Variants in ASIC2 observed in about 807,000 individuals in gnomAD.
ASIC2 encodes acid-sensing ion channel 2.
Under a neutral mutation model 57.3 loss-of-function variants are expected in ASIC2, and 25 were observed. That is an observed-to-expected ratio of 0.44 (90% CI 0.32 to 0.61). The LOEUF (loss-of-function observed/expected upper bound fraction) is 0.61. ASIC2 is among the 20% of genes least tolerant of loss of function. ASIC2 has a pLI of 0.06. For missense variants in ASIC2, 641 were observed against 738.1 expected (o/e 0.87, Z 1.52); for synonymous variants, 319 against 307.5 (o/e 1.04, Z -0.39).
rs909474528 is a variant in ASIC2 at position 33,614,625 on chromosome 17, C to A, written c.556-502558G>T. Among the ~76,000 whole-genome samples the A allele has an allele frequency of 2.0e-5, 3 of 152,164 alleles. No homozygotes were observed. The South Asian group carries it at 6.2e-4, about 31-fold the overall frequency. ...TATATTTTTTCTGATTAAAAAAATA[C>A]CTTTGATGTGAAATCAAAAAATACA... On this transcript the variant is annotated intron_variant, in intron 1 of 9. Transcript: ENST00000359872.
At chr17:33,788,577 C>T (rs751189400) in intron 1 of ASIC2, among the ~76,000 whole-genome samples, 3 of 152,126 alleles carry the variant, frequency 2.0e-5, no homozygotes, top group South Asian at 2.1e-4. Flanking sequence ...GAATATAAAT[C>T]GTTCTACTAT....
intron 1 of ASIC2, among the ~76,000 whole-genome samples, chr17:33,245,737 G>T (rs1908666411): frequency 6.6e-6 from 1 of 152,172 alleles, no homozygotes; most frequent in African/African-American, 2.4e-5. Context: ...AGCCTGGTGG[G>T]CTCCTCAAGA....
chr17:33,537,089 G>C (rs1340333335), intron 1 of ASIC2, among the ~76,000 whole-genome samples: 3 of 152,190 alleles, frequency 2.0e-5, no homozygotes, highest in Non-Finnish European at 4.4e-5. Flanking sequence ...ATTGCCCTTA[G>C]AGTAAAATTA....
intron 1 of ASIC2, among the ~76,000 whole-genome samples, chr17:34,083,224 CA>C (rs1232906577): frequency 6.9e-6 from 1 of 144,868 alleles, no homozygotes; most frequent in Admixed American, 7.3e-5. Context: ...TTCCTGTGTC[CA>C]TATGTTCTCA....
intron 1 of ASIC2, among the ~76,000 whole-genome samples, chr17:33,663,620 A>G (rs1907372322): frequency 6.6e-6 from 1 of 152,124 alleles, no homozygotes; most frequent in African/African-American, 2.4e-5. Flanking sequence ...GGTTCGTGGC[A>G]GGGCTGAGTT....
chr17:33,031,870 T>G (rs1264400485), intron 3 of ASIC2, among the ~76,000 whole-genome samples: 1 of 152,222 alleles, frequency 6.6e-6, no homozygotes, highest in Non-Finnish European at 1.5e-5. Flanking sequence ...AATGTCCTTG[T>G]TTTGAAGTTT....
intron 1 of ASIC2, among the ~76,000 whole-genome samples, chr17:33,462,259 T>C (rs1444110455): frequency 6.6e-6 from 1 of 152,236 alleles, no homozygotes; most frequent in East Asian, 1.9e-4. Context: ...TACAAGGTTT[T>C]AGCTGGGCCC....
intron 1 of ASIC2, among the ~76,000 whole-genome samples, chr17:33,711,477 T>G (rs1909033717): frequency 6.6e-6 from 1 of 152,170 alleles, no homozygotes; most frequent in African/African-American, 2.4e-5. Flanking sequence ...CTCATTTTTG[T>G]TTTCCCTGGG....
At chr17:33,053,175 T>C (rs903199838) in intron 3 of ASIC2, among the ~76,000 whole-genome samples, 9 of 152,206 alleles carry the variant, frequency 5.9e-5, no homozygotes, top group Admixed American at 5.9e-4. Flanking sequence ...TTTTTATTAG[T>C]TTTATTAGTA....
intron 1 of ASIC2, among the ~76,000 whole-genome samples, chr17:33,526,919 T>C (rs1054718927): frequency 1.3e-5 from 2 of 152,230 alleles, no homozygotes; most frequent in East Asian, 3.9e-4. Flanking sequence ...CACAGGCAGA[T>C]TCCTCATGCT....
chr17:33,980,154 C>G (rs891011895), intron 1 of ASIC2, among the ~76,000 whole-genome samples: 1 of 152,014 alleles, frequency 6.6e-6, no homozygotes, highest in South Asian at 2.1e-4. Context: ...GACACTGGGA[C>G]AAGCATAAGC....
chr17:33,813,367 C>T (rs991145472), intron 1 of ASIC2, among the ~76,000 whole-genome samples: 3 of 152,108 alleles, frequency 2.0e-5, no homozygotes, highest in Non-Finnish European at 2.9e-5. Flanking sequence ...AAACAAAAAA[C>T]AAAAAACAAA....
At chr17:33,490,551 A>T (rs1913720039) in intron 1 of ASIC2, among the ~76,000 whole-genome samples, 1 of 152,198 alleles carries the variant, frequency 6.6e-6, no homozygotes, top group Non-Finnish European at 1.5e-5. Context: ...ATTGATAGTG[A>T]ATAAGTCTCA....
intron 1 of ASIC2, among the ~76,000 whole-genome samples, chr17:33,850,474 C>G (rs1235015042): frequency 6.6e-6 from 1 of 152,092 alleles, no homozygotes; most frequent in Non-Finnish European, 1.5e-5. Flanking sequence ...CTGCAATTAC[C>G]ACTTGTCTGC....
intron 1 of ASIC2, among the ~76,000 whole-genome samples, chr17:33,838,381 T>C (rs1200111321): frequency 6.6e-6 from 1 of 152,178 alleles, no homozygotes; most frequent in Non-Finnish European, 1.5e-5. Context: ...AATTTCTTCA[T>C]TCAGAGGCTT....
At chr17:33,334,257 G>A (rs550794823) in intron 1 of ASIC2, among the ~76,000 whole-genome samples, 2 of 152,170 alleles carry the variant, frequency 1.3e-5, no homozygotes, top group Non-Finnish European at 2.9e-5. Context: ...TATGAAAGAG[G>A]TGCTAATGTA....
At chr17:33,585,058 C>T (rs547706196) in intron 1 of ASIC2, among the ~76,000 whole-genome samples, 68 of 152,312 alleles carry the variant, frequency 4.5e-4, no homozygotes, top group African/African-American at 1.5e-3. Flanking sequence ...TTGTGGGCTA[C>T]AGCCTCCTTC....
intron 1 of ASIC2, among the ~76,000 whole-genome samples, chr17:34,008,826 C>T (rs1277676927): frequency 6.6e-6 from 1 of 152,142 alleles, no homozygotes; most frequent in East Asian, 1.9e-4. Flanking sequence ...CAAGCATGTA[C>T]AGAGTTTGCA....
chr17:33,634,241 C>T (rs17782997), intron 1 of ASIC2, among the ~76,000 whole-genome samples: 11,745 of 152,258 alleles, frequency 0.077, 583 homozygotes, highest in Middle Eastern at 0.13. Context: ...TGTCTGGGCT[C>T]CAGATTTCAG....
Sources: gnomAD v4.1 joint callset for allele counts (sites outside exome capture counted in the v4.1 genomes callset) on GRCh38, gnomAD v4.1.1 for gene constraint, MANE v1.5 for transcripts, NCBI Gene and HGNC (gene_info 2026-07-23, HGNC 2026-07-21) for gene names.